Variants in RAB27B observed in about 807,000 individuals in gnomAD.
RAB27B encodes RAB27B, member RAS oncogene family.
Under a neutral mutation model 24.6 loss-of-function variants are expected in RAB27B, and 15 were observed. The observed-to-expected ratio is 0.61, with a 90% CI of 0.41 to 0.94. The LOEUF is 0.94. RAB27B is among the 40% of genes least tolerant of loss of function. The pLI is 0.00. For synonymous variants in RAB27B, 105 were observed against 92.5 expected, an observed-to-expected ratio of 1.14 and a Z score of -0.78; for missense variants, 261 against 266.8, an observed-to-expected ratio of 0.98 and a Z score of 0.15.
In RAB27B at chr18:54,889,315, C is replaced by G. The variant is rs73956736; in HGVS notation, c.559C>G (p.Gln187Glu). The G allele has an allele frequency of 6.2e-6, 10 of 1,613,360 alleles. No individual in the cohort carries two copies. The African/African-American group carries it at 1.3e-4, about 22-fold the overall frequency. The change falls in exon 6 of 6, where the codon CAG becomes GAG. Residue 187 changes from glutamine to glutamate, a missense_variant. Transcript: ENST00000262094. ...GGACTTAATCATGAAGCGAATGGAA[C>G]AGTGTGTGGAGAAGACACAAATCCC... Reference protein sequence around the residue: ...LLDLIMKRMEQCVEKTQIPDT... With the variant: ...LLDLIMKRMEECVEKTQIPDT...
At chr18:54,816,755 T>C (rs7245332) in intron 2 of RAB27B, among the ~76,000 whole-genome samples, 82,987 of 151,900 alleles carry the variant, frequency 0.55, 23,279 homozygotes, top group African/African-American at 0.65. Flanking sequence ...TGAGTTGTGG[T>C]GAGGCTAAGG....
intron 2 of RAB27B, among the ~76,000 whole-genome samples, chr18:54,726,862 T>C (rs1909554115): frequency 6.9e-6 from 1 of 143,938 alleles, no homozygotes; most frequent in South Asian, 2.2e-4. Context: ...AGACTGCTAA[T>C]GGGTTTTGCA....
At chr18:54,881,145 G>A (rs1235951553) in intron 3 of RAB27B, among the ~76,000 whole-genome samples, 2 of 152,154 alleles carry the variant, frequency 1.3e-5, no homozygotes, top group African/African-American at 4.8e-5. Flanking sequence ...GTGTTCTGGA[G>A]CAAAAGGGGC....
At chr18:54,790,929 A>G (rs958311703) in intron 2 of RAB27B, among the ~76,000 whole-genome samples, 1 of 152,212 alleles carries the variant, frequency 6.6e-6, no homozygotes, top group Non-Finnish European at 1.5e-5. Context: ...GATTCAGGAT[A>G]ATTTTTGGCT....
At chr18:54,761,035 G>A (rs1413631150) in intron 2 of RAB27B, among the ~76,000 whole-genome samples, 2 of 150,482 alleles carry the variant, frequency 1.3e-5, no homozygotes, top group Non-Finnish European at 2.9e-5. Context: ...ATATTTGCTT[G>A]AGAATCTGAT....
At chr18:54,793,757 A>G (rs1294585884) in intron 2 of RAB27B, among the ~76,000 whole-genome samples, 1 of 152,210 alleles carries the variant, frequency 6.6e-6, no homozygotes, top group African/African-American at 2.4e-5. Flanking sequence ...GTTTGAAAGT[A>G]ATTAGAAGCC....
chr18:54,770,362 A>G (rs915971279), intron 2 of RAB27B, among the ~76,000 whole-genome samples: 1 of 152,038 alleles, frequency 6.6e-6, no homozygotes, highest in Non-Finnish European at 1.5e-5. Flanking sequence ...AGATTCTCAT[A>G]GGATCATGAA....
intron 2 of RAB27B, among the ~76,000 whole-genome samples, chr18:54,773,001 T>C (rs1199391062): frequency 1.3e-5 from 2 of 152,322 alleles, no homozygotes; most frequent in East Asian, 3.9e-4. Context: ...TCAAATCCAC[T>C]GTATTTTCAG....
At position 54,892,404 on chromosome 18, in the gene RAB27B, G is replaced by A. The variant is rs2145304364; in HGVS notation, c.*2991G>A. The A allele has an allele frequency of 6.6e-6, 1 of 152,154 alleles. No individual in the cohort carries two copies. The highest frequency in any genetic ancestry group is 2.4e-5 in the African/African-American group (1 of 41,534). 9.4% of individuals were successfully genotyped at this position (152,154 alleles called of 1,614,324 possible). A position where few individuals can be genotyped will look rare whatever the true frequency, so the allele number is the denominator to read the frequency against. On this transcript the variant is annotated 3_prime_UTR_variant, in exon 6 of 6. Coordinates refer to ENST00000262094, the MANE Select transcript of RAB27B (RefSeq NM_004163.4). ...AAAGATCTTCTGATATTATCAGCAA[G>A]GGATGCAAGGACTTTATTGGAATCT... is the stretch of plus-strand genomic sequence containing the variant.
intron 2 of RAB27B, among the ~76,000 whole-genome samples, chr18:54,784,483 T>C (rs945372843): frequency 1.6e-4 from 24 of 152,180 alleles, no homozygotes; most frequent in Non-Finnish European, 2.9e-5. Context: ...TCTCAGTGTC[T>C]ATTGTTCCCA....
At chr18:54,744,533 T>C (rs963376315) in intron 2 of RAB27B, among the ~76,000 whole-genome samples, 2 of 152,172 alleles carry the variant, frequency 1.3e-5, no homozygotes, top group African/African-American at 4.8e-5. Flanking sequence ...TACACACAAA[T>C]GACAAATGTT....
chr18:54,866,348 T>G (rs1370312741), intron 1 of RAB27B, among the ~76,000 whole-genome samples: 1 of 150,510 alleles, frequency 6.6e-6, no homozygotes, highest in African/African-American at 2.5e-5. Flanking sequence ...CAGGCTGGAG[T>G]GCAATGGCGC....
At chr18:54,796,415 C>T (rs563839852) in intron 2 of RAB27B, among the ~76,000 whole-genome samples, 1 of 152,278 alleles carries the variant, frequency 6.6e-6, no homozygotes, top group Admixed American at 6.5e-5. Flanking sequence ...CCCAGTGTAC[C>T]AGAAAAATCG....
At chr18:54,823,063 G>A (rs1271640376) in intron 2 of RAB27B, among the ~76,000 whole-genome samples, 1 of 152,240 alleles carries the variant, frequency 6.6e-6, no homozygotes, top group East Asian at 1.9e-4. Flanking sequence ...AGGTACAATT[G>A]TGAAAACATA....
chr18:54,832,818 A>G (rs1402564359), intron 1 of RAB27B, among the ~76,000 whole-genome samples: 1 of 152,134 alleles, frequency 6.6e-6, no homozygotes, highest in Non-Finnish European at 1.5e-5. Context: ...AGAAGTGATG[A>G]TTGCATGTGG....
chr18:54,799,816 G>T (rs1909544508), intron 2 of RAB27B, among the ~76,000 whole-genome samples: 1 of 151,900 alleles, frequency 6.6e-6, no homozygotes, highest in African/African-American at 2.4e-5. Flanking sequence ...TTTTAGTAGA[G>T]ACGGGGTTTC....
chr18:54,740,030 A>G (rs925412695), intron 2 of RAB27B, among the ~76,000 whole-genome samples: 1 of 152,204 alleles, frequency 6.6e-6, no homozygotes, highest in African/African-American at 2.4e-5. Flanking sequence ...TTCTTCTCTC[A>G]TTCTGCAGCT....
Position 54,751,691 on chromosome 18 carries a change from T to G in RAB27B, c.-20+33550T>G, listed in dbSNP as rs568806314. On this transcript the variant is annotated intron_variant, in intron 2 of 4. Coordinates refer to the RAB27B transcript ENST00000586570. ...TATTTCTCTGAGAATACACAAAGTA[T>G]GACTGACTAGGCAGGTAAATCTACC... Among the ~76,000 whole-genome samples the G allele has an allele frequency of 2.6e-5, 4 of 152,262 alleles. No homozygotes were observed. The South Asian group carries it at 8.3e-4, about 32-fold the overall frequency.
At chr18:54,820,378 G>A (rs1408133394) in intron 2 of RAB27B, among the ~76,000 whole-genome samples, 4 of 152,188 alleles carry the variant, frequency 2.6e-5, no homozygotes, top group Non-Finnish European at 5.9e-5. Flanking sequence ...CAGTGATGAT[G>A]AGCATTTTTT....
Sources: gnomAD v4.1 joint callset for allele counts (sites outside exome capture counted in the v4.1 genomes callset) on GRCh38, gnomAD v4.1.1 for gene constraint, MANE v1.5 for transcripts, NCBI Gene and HGNC (gene_info 2026-07-23, HGNC 2026-07-21) for gene names.